XRRA1: variants seen among roughly 807,000 people sequenced by gnomAD.
XRRA1 encodes X-ray radiation resistance-associated protein 1.
Under a neutral mutation model 80.2 loss-of-function variants are expected in XRRA1, and 69 were observed. The observed-to-expected ratio is 0.86, with a 90% CI of 0.71 to 1.05. The LOEUF is 1.05. Among genes scored for constraint, XRRA1 ranks in the 50% least tolerant of loss-of-function variants. The probability of loss-of-function intolerance (pLI) is 0.00; values close to 1 mark genes in which losing one functional copy is unlikely to be tolerated. For synonymous variants in XRRA1, 348 were observed against 389.9 expected, an observed-to-expected ratio of 0.89 and a Z score of 1.27; for missense variants, 967 against 976.4, an observed-to-expected ratio of 0.99 and a Z score of 0.13.
chr11:74,884,037 A>G (rs1231788243), intron 10 of XRRA1, among the ~76,000 whole-genome samples: 1 of 152,154 alleles, frequency 6.6e-6, no homozygotes, highest in African/African-American at 2.4e-5. Flanking sequence ...CATCTTTACT[A>G]AAAATACAAA....
chr11:74,854,173 T>A (rs2040543890), intron 12 of XRRA1, among the ~76,000 whole-genome samples: 1 of 152,200 alleles, frequency 6.6e-6, no homozygotes, highest in Non-Finnish European at 1.5e-5. Context: ...TTTTGAGGCC[T>A]CCAGGTAGAA....
intron 7 of XRRA1, among the ~76,000 whole-genome samples, chr11:74,925,799 A>G (rs1217641317): frequency 6.6e-6 from 1 of 152,192 alleles, no homozygotes; most frequent in Non-Finnish European, 1.5e-5. Context: ...GGTACTTGAA[A>G]CAGGGGTTTG....
At chr11:74,850,410 C>T (rs1271926173) in intron 14 of XRRA1, among the ~76,000 whole-genome samples, 1 of 152,160 alleles carries the variant, frequency 6.6e-6, no homozygotes, top group Non-Finnish European at 1.5e-5. Flanking sequence ...CTTGTCCAGT[C>T]CTCTGAGGAC....
At chr11:74,932,337 A>G (rs1281996735) in intron 5 of XRRA1, among the ~76,000 whole-genome samples, 1 of 152,168 alleles carries the variant, frequency 6.6e-6, no homozygotes, top group African/African-American at 2.4e-5. Context: ...TTTCCTGTGT[A>G]AGGCTGAGTC....
chr11:74,883,372 G>T (rs1040997325), intron 10 of XRRA1, among the ~76,000 whole-genome samples: 1 of 152,210 alleles, frequency 6.6e-6, no homozygotes, highest in Admixed American at 6.5e-5. Context: ...GCCTTGGCTC[G>T]CACACGGTGT....
chr11:74,887,822 T>C (rs2049448156), intron 10 of XRRA1, among the ~76,000 whole-genome samples: 1 of 152,026 alleles, frequency 6.6e-6, no homozygotes, highest in South Asian at 2.1e-4. Context: ...GCCTCACTCA[T>C]TGCTAGCACA....
intron 7 of XRRA1, among the ~76,000 whole-genome samples, chr11:74,925,925 G>A (rs1259258855): frequency 2.0e-5 from 3 of 152,188 alleles, no homozygotes; most frequent in African/African-American, 7.2e-5. Context: ...AAGCTCCCAG[G>A]CTCAAAGGTC....
At chr11:74,858,422 G>A (rs931727203) in intron 12 of XRRA1, among the ~76,000 whole-genome samples, 25 of 152,188 alleles carry the variant, frequency 1.6e-4, no homozygotes, top group East Asian at 1.9e-4. Context: ...TGTAAGAGCT[G>A]AAACAATAAA....
At chr11:74,878,009 C>T (rs1222255463) in intron 10 of XRRA1, among the ~76,000 whole-genome samples, 3 of 151,726 alleles carry the variant, frequency 2.0e-5, no homozygotes, top group Non-Finnish European at 4.4e-5. Context: ...AATGGTATTT[C>T]CAGTTCTAGA....
chr11:74,857,600 C>T (rs2041414574), intron 12 of XRRA1, among the ~76,000 whole-genome samples: 1 of 152,162 alleles, frequency 6.6e-6, no homozygotes, highest in Non-Finnish European at 1.5e-5. Context: ...CTGAGTGACA[C>T]AACCAACCAC....
At chr11:74,879,281 A>C (rs2046878149) in intron 10 of XRRA1, among the ~76,000 whole-genome samples, 1 of 151,550 alleles carries the variant, frequency 6.6e-6, no homozygotes, top group Non-Finnish European at 1.5e-5. Flanking sequence ...TTGTTGGTGT[A>C]TAAGAATGCT....
At chr11:74,854,104 C>T (rs1377613392) in intron 12 of XRRA1, among the ~76,000 whole-genome samples, 1 of 152,140 alleles carries the variant, frequency 6.6e-6, no homozygotes, top group East Asian at 1.9e-4. Flanking sequence ...AATGAAAGAA[C>T]ATACAATTTG....
Position 74,859,424 on chromosome 11 carries a change from A to G in XRRA1, c.1045-141T>C, listed in dbSNP as rs1197955829. Reference sequence around the variant, plus strand: ...GGCCAAAAGAGACATGTAGGGTCATAAGGGTAGATGTCGCCATCAGCCCAG... The same window carrying G: ...GGCCAAAAGAGACATGTAGGGTCATGAGGGTAGATGTCGCCATCAGCCCAG... On this transcript the variant is annotated intron_variant, in intron 11 of 18. Transcript: ENST00000684022. 8.6e-6 allele frequency: 8 copies of G among 927,062 alleles called. No homozygotes were observed. The African/African-American group carries it at 1.2e-4, about 14-fold the overall frequency. 57.4% of individuals were successfully genotyped at this position (927,062 alleles called of 1,614,324 possible). A position where few individuals can be genotyped will look rare whatever the true frequency, so the allele number is the denominator to read the frequency against.
intron 2 of XRRA1, among the ~76,000 whole-genome samples, chr11:74,941,573 C>T (rs1255375884): frequency 6.6e-6 from 1 of 152,132 alleles, no homozygotes; most frequent in African/African-American, 2.4e-5. Context: ...GTGCCTGCTC[C>T]TGAAGGGCTT....
At chr11:74,928,879 A>C (rs1942872936) in intron 6 of XRRA1, among the ~76,000 whole-genome samples, 1 of 152,142 alleles carries the variant, frequency 6.6e-6, no homozygotes, top group Admixed American at 6.5e-5. Flanking sequence ...ACCAATGACT[A>C]TACTTCCACA....
intron 10 of XRRA1, among the ~76,000 whole-genome samples, chr11:74,902,678 A>C (rs2053786695): frequency 6.6e-6 from 1 of 152,154 alleles, no homozygotes; most frequent in Non-Finnish European, 1.5e-5. Flanking sequence ...GAAGGACAAA[A>C]ATTGCATATT....
At position 74,844,474 on chromosome 11, in the gene XRRA1, A is replaced by G. The variant is rs542329049; in HGVS notation, c.1928-191T>C. On this transcript the variant is annotated intron_variant, in intron 16 of 18. Transcript: ENST00000684022. ...CCTGAAGTTCCATCATTCTTCAGTGAGTATTTGTCCCATATTATAATGGAA... is the reference window on the plus strand; with the variant it reads ...CCTGAAGTTCCATCATTCTTCAGTGGGTATTTGTCCCATATTATAATGGAA... Among the ~76,000 whole-genome samples the G allele has an allele frequency of 3.2e-4, 49 of 152,268 alleles. 2 individuals carry two copies. In the South Asian group the frequency reaches 9.7e-3, roughly 30 times the overall value.
At chr11:74,864,423 CAGTCAAA>C (rs1405414308) in intron 10 of XRRA1, among the ~76,000 whole-genome samples, 1 of 152,192 alleles carries the variant, frequency 6.6e-6, no homozygotes, top group Non-Finnish European at 1.5e-5. Flanking sequence ...CACCCGCCCA[CAGTCAAA>C]AGTCTCTCTG....
intron 2 of XRRA1, among the ~76,000 whole-genome samples, chr11:74,943,573 G>A (rs1946869989): frequency 1.3e-5 from 2 of 149,252 alleles, no homozygotes; most frequent in Non-Finnish European, 3.0e-5. Context: ...ATGTGTCAGA[G>A]AGAGAGAGAG....
Sources: gnomAD v4.1 joint callset for allele counts (sites outside exome capture counted in the v4.1 genomes callset) on GRCh38, gnomAD v4.1.1 for gene constraint, MANE v1.5 for transcripts, NCBI Gene and HGNC (gene_info 2026-07-23, HGNC 2026-07-21) for gene names.